Variants in SOX5 observed in about 807,000 individuals in gnomAD.
SOX5 encodes SRY-box transcription factor 5.
A neutral mutation model predicts 92.0 loss-of-function variants in SOX5; 9 were observed. The ratio of observed to expected loss-of-function variants is 0.10; its 90% CI spans 0.06 to 0.17. The LOEUF (loss-of-function observed/expected upper bound fraction) is 0.17. Ranked by LOEUF, SOX5 falls within the 10% of genes least tolerant of loss-of-function variation. The pLI is 1.00. For missense variants in SOX5, 642 were observed against 944.5 expected (o/e 0.68, Z 4.20); for synonymous variants, 344 against 336.3 (o/e 1.02, Z -0.25).
chr12:23,568,909 C>A (rs1190957230), intron 10 of SOX5, among the ~76,000 whole-genome samples: 1 of 145,238 alleles, frequency 6.9e-6, no homozygotes, highest in Non-Finnish European at 1.5e-5. Context: ...AAAAAAAATG[C>A]CGGGCATGGT....
intron 9 of SOX5, among the ~76,000 whole-genome samples, chr12:23,598,093 G>T (rs1042152676): frequency 1.3e-5 from 2 of 152,114 alleles, no homozygotes; most frequent in Non-Finnish European, 2.9e-5. Flanking sequence ...TACATTCACA[G>T]ACCAGTTTTA....
intron 1 of SOX5, among the ~76,000 whole-genome samples, chr12:24,478,086 G>A (rs1004576649): frequency 3.3e-5 from 5 of 152,194 alleles, no homozygotes; most frequent in African/African-American, 1.2e-4. Flanking sequence ...AAGGAATTCC[G>A]AATCCAGAAC....
intron 2 of SOX5, among the ~76,000 whole-genome samples, chr12:24,322,850 T>A (rs1241274600): frequency 6.6e-6 from 1 of 152,078 alleles, no homozygotes; most frequent in East Asian, 1.9e-4. Context: ...TGTTGTTTTT[T>A]AAATAATCTC....
intron 7 of SOX5, among the ~76,000 whole-genome samples, chr12:23,663,607 G>A (rs2083370782): frequency 6.6e-6 from 1 of 151,890 alleles, no homozygotes; most frequent in Non-Finnish European, 1.5e-5. Context: ...TGCAGTCAAA[G>A]GCAACTAATG....
chr12:24,369,998 C>A (rs1369741755), intron 1 of SOX5, among the ~76,000 whole-genome samples: 1 of 152,144 alleles, frequency 6.6e-6, no homozygotes, highest in Non-Finnish European at 1.5e-5. Flanking sequence ...ACAGTAAAAG[C>A]CATTCCTTCC....
intron 3 of SOX5, among the ~76,000 whole-genome samples, chr12:23,783,417 T>C (rs946946540): frequency 6.6e-6 from 1 of 152,158 alleles, no homozygotes; most frequent in Non-Finnish European, 1.5e-5. Context: ...AATGATAATT[T>C]TGTTTGACCA....
At chr12:23,943,131 C>T (rs558552317) in intron 1 of SOX5, among the ~76,000 whole-genome samples, 1 of 151,962 alleles carries the variant, frequency 6.6e-6, no homozygotes, top group Non-Finnish European at 1.5e-5. Context: ...AGTTTACACA[C>T]ATTTTATAAC....
At chr12:24,219,222 T>A (rs1408502101) in intron 3 of SOX5, among the ~76,000 whole-genome samples, 1 of 152,014 alleles carries the variant, frequency 6.6e-6, no homozygotes, top group Non-Finnish European at 1.5e-5. Flanking sequence ...TTAGAAAGAA[T>A]AAGATCTAGT....
intron 4 of SOX5, among the ~76,000 whole-genome samples, chr12:24,145,168 C>G (rs1950951252): frequency 6.6e-6 from 1 of 151,954 alleles, no homozygotes; most frequent in African/African-American, 2.4e-5. Context: ...GACTATAAAT[C>G]CTAAAGCAAT....
intron 4 of SOX5, among the ~76,000 whole-genome samples, chr12:23,996,892 T>C (rs896501471): frequency 6.6e-6 from 1 of 152,206 alleles, no homozygotes; most frequent in African/African-American, 2.4e-5. Flanking sequence ...ATTTCGGAAC[T>C]ACACAGAAGT....
intron 1 of SOX5, among the ~76,000 whole-genome samples, chr12:24,428,212 C>CAAA (rs75812981): frequency 4.5e-5 from 6 of 134,070 alleles, no homozygotes; most frequent in African/African-American, 1.4e-4. Flanking sequence ...ACCCAAAAAC[C>CAAA]AAAAAAAAAA....
intron 4 of SOX5, among the ~76,000 whole-genome samples, chr12:24,058,659 T>A (rs764745124): frequency 6.6e-6 from 1 of 152,228 alleles, no homozygotes; most frequent in African/African-American, 2.4e-5. Context: ...TCAGGTTGGT[T>A]AAAAGATACA....
At chr12:23,800,252 C>T (rs1349684248) in intron 3 of SOX5, among the ~76,000 whole-genome samples, 1 of 152,064 alleles carries the variant, frequency 6.6e-6, no homozygotes, top group Non-Finnish European at 1.5e-5. Flanking sequence ...TGTTGGAACA[C>T]ACACAAAAAT....
At position 24,401,406 on chromosome 12, in the gene SOX5, A is replaced by T. The variant is rs188492589; in HGVS notation, c.-250-32767T>A. Among the ~76,000 whole-genome samples the T allele has an allele frequency of 2.1e-3, 321 of 151,724 alleles. 1 individual carries two copies. Among genetic ancestry groups the T allele is most frequent in the Middle Eastern group, 0.01 (3 of 292 alleles). ...TGTTATTACTATTATATTTTGAACT[A>T]TGTCCATTAAAAATTTGTACTGGCC... On this transcript the variant is annotated intron_variant, in intron 1 of 4. Transcript: ENST00000446891.
intron 2 of SOX5, among the ~76,000 whole-genome samples, chr12:24,355,281 TC>T (rs1954668425): frequency 1.7e-5 from 2 of 116,718 alleles, no homozygotes; most frequent in Admixed American, 9.9e-5. Context: ...GAGGGGTGCA[TC>T]TTTTTTTTTT....
chr12:24,490,296 AGAATTGTGTCTTG>A (rs1946924999), intron 1 of SOX5, among the ~76,000 whole-genome samples: 1 of 152,232 alleles, frequency 6.6e-6, no homozygotes, highest in Admixed American at 6.5e-5. Flanking sequence ...ATCAAAGAAA[AGAATTGTGTCTTG>A]GAATTTTGCC....
chr12:23,619,351 C>T (rs2076922287), intron 8 of SOX5, among the ~76,000 whole-genome samples: 1 of 152,160 alleles, frequency 6.6e-6, no homozygotes, highest in Non-Finnish European at 1.5e-5. Flanking sequence ...TCTCTTGGAA[C>T]CTTCTCAACA....
chr12:23,865,189 T>G (rs1284485317), intron 2 of SOX5, among the ~76,000 whole-genome samples: 1 of 152,202 alleles, frequency 6.6e-6, no homozygotes, highest in African/African-American at 2.4e-5. Flanking sequence ...AGCCCACTGT[T>G]GAGACCTACT....
At chr12:23,805,448 C>T (rs2095753115) in intron 3 of SOX5, among the ~76,000 whole-genome samples, 1 of 151,940 alleles carries the variant, frequency 6.6e-6, no homozygotes, top group African/African-American at 2.4e-5. Flanking sequence ...AAAACATATG[C>T]TCAATAAATG....
Sources: allele counts gnomAD v4.1 joint callset (sites outside exome capture counted in the v4.1 genomes callset), GRCh38; gene constraint gnomAD v4.1.1; transcripts MANE v1.5; gene names NCBI Gene and HGNC (gene_info 2026-07-23, HGNC 2026-07-21).